Variants in MSI2 observed in about 807,000 individuals in gnomAD.
MSI2 encodes musashi RNA binding protein 2, also known as RNA-binding protein Musashi homolog 2.
Under a neutral mutation model 45.6 loss-of-function variants are expected in MSI2, and 17 were observed. That is an observed-to-expected ratio of 0.37 (90% CI 0.26 to 0.56). The LOEUF (loss-of-function observed/expected upper bound fraction) is 0.56, where lower values mean the gene tolerates loss of function less well. Ranked by LOEUF, MSI2 falls within the 20% of genes least tolerant of loss-of-function variation. The pLI is 0.77. For missense variants in MSI2, 293 were observed against 444.2 expected (o/e 0.66, Z 3.06); for synonymous variants, 156 against 158.2 (o/e 0.99, Z 0.11).
Position 57,558,638 on chromosome 17 carries a change from C to T in MSI2, c.454+28914C>T, listed in dbSNP as rs557616512. Among the ~76,000 whole-genome samples the T allele has an allele frequency of 1.7e-4, 26 of 152,318 alleles. 1 individual carries two copies. The South Asian group carries it at 5.4e-3, about 32-fold the overall frequency. ...GACCTCTCTTCAGCCCAGACCAGCC[C>T]TTCTGCCAGTTATAAAGCACCAGCC... is the stretch of plus-strand genomic sequence containing the variant. On this transcript the variant is annotated intron_variant, in intron 7 of 13. Transcript: ENST00000284073.
chr17:57,445,866 A>G, intron 6 of MSI2, among the ~76,000 whole-genome samples: 1 of 152,122 alleles, frequency 6.6e-6, no homozygotes, highest in Non-Finnish European at 1.5e-5. Context: ...ATGGAACGCT[A>G]TTCTAGGGGC....
At chr17:57,619,639 G>C (rs1322403200) in intron 9 of MSI2, among the ~76,000 whole-genome samples, 1 of 152,220 alleles carries the variant, frequency 6.6e-6, no homozygotes, top group African/African-American at 2.4e-5. Flanking sequence ...AGGGGCTCCA[G>C]GGTTGGCTTT....
chr17:57,595,874 G>T (rs1905205691), intron 7 of MSI2, among the ~76,000 whole-genome samples: 1 of 152,214 alleles, frequency 6.6e-6, no homozygotes, highest in African/African-American at 2.4e-5. Context: ...TTGAGGCTCA[G>T]AGAGGGCAAG....
chr17:57,274,643 T>A (rs941450409), intron 5 of MSI2, among the ~76,000 whole-genome samples: 4 of 152,180 alleles, frequency 2.6e-5, no homozygotes, highest in African/African-American at 9.7e-5. Flanking sequence ...AAGTAATGTT[T>A]GAGAAATACA....
chr17:57,309,465 C>T (rs1324996029), intron 5 of MSI2, among the ~76,000 whole-genome samples: 1 of 152,128 alleles, frequency 6.6e-6, no homozygotes, highest in African/African-American at 2.4e-5. Flanking sequence ...CTGTTGGCCA[C>T]TTGTTATATA....
chr17:57,586,345 A>T (rs1474879050), intron 7 of MSI2, among the ~76,000 whole-genome samples: 1 of 152,048 alleles, frequency 6.6e-6, no homozygotes, highest in Non-Finnish European at 1.5e-5. Context: ...GGATGGTTAG[A>T]GGTCTCTCTC....
chr17:57,369,539 A>G (rs951542756), intron 5 of MSI2, among the ~76,000 whole-genome samples: 31 of 152,346 alleles, frequency 2.0e-4, no homozygotes, highest in Admixed American at 6.5e-5. Flanking sequence ...GTTCCTAGAA[A>G]GTATTCCATG....
chr17:57,660,859 A>C (rs1911939602), intron 11 of MSI2, among the ~76,000 whole-genome samples: 1 of 152,232 alleles, frequency 6.6e-6, no homozygotes, highest in South Asian at 2.1e-4. Context: ...AGCTGGGCAG[A>C]ATCAGAGCAG....
rs1427154192 is a variant in MSI2 at position 57,596,225 on chromosome 17, G to A, written c.455-643G>A. ...TCAGTGCAGCTTGTCTAGCAAAGCCGGTCTCCAGCAGAGTACATACAGTGG... is the reference window on the plus strand; with the variant it reads ...TCAGTGCAGCTTGTCTAGCAAAGCCAGTCTCCAGCAGAGTACATACAGTGG... On this transcript the variant is annotated intron_variant, in intron 7 of 13. Coordinates refer to ENST00000284073, the MANE Select transcript of MSI2 (RefSeq NM_138962.4). This position sits in a 1 kb window ranked among gnomAD's most constrained non-coding sequence, Gnocchi z 4.6. Among the ~76,000 whole-genome samples the A allele has an allele frequency of 6.6e-6, 1 of 152,206 alleles. No homozygotes were observed. Among genetic ancestry groups the A allele is most frequent in the East Asian group, 1.9e-4 (1 of 5,204 alleles).
chr17:57,261,457 G>A (rs1357942237), intron 4 of MSI2, among the ~76,000 whole-genome samples: 1 of 151,962 alleles, frequency 6.6e-6, no homozygotes, highest in East Asian at 1.9e-4. Flanking sequence ...TAAAATCCAG[G>A]TGGATTTAGC....
At chr17:57,471,535 G>A (rs2908825) in intron 6 of MSI2, among the ~76,000 whole-genome samples, 117,901 of 151,906 alleles carry the variant, frequency 0.78, 46,198 homozygotes, top group East Asian at 0.91. Context: ...TACAAGCATC[G>A]TACTCACAGG....
chr17:57,338,444 A>G (rs1169191754), intron 5 of MSI2, among the ~76,000 whole-genome samples: 1 of 152,208 alleles, frequency 6.6e-6, no homozygotes, highest in Admixed American at 6.5e-5. Context: ...CTGGCGTGCA[A>G]TGGCACGATC....
chr17:57,641,967 TGG>T (rs1055463231), intron 10 of MSI2, among the ~76,000 whole-genome samples: 9 of 152,346 alleles, frequency 5.9e-5, no homozygotes, highest in Non-Finnish European at 1.3e-4. Context: ...CTTGTAGGGC[TGG>T]GGGCCAGCGT....
In MSI2 at chr17:57,680,948, A is replaced by G. The variant is rs1336471770; in HGVS notation, c.*1431A>G. 1.0e-5 allele frequency: 2 copies of G among 196,344 alleles called. No homozygotes were observed. Among genetic ancestry groups the G allele is most frequent in the African/African-American group, 4.6e-5 (2 of 43,196 alleles). 12.2% of individuals were successfully genotyped at this position (196,344 alleles called of 1,614,324 possible). On this transcript the variant is annotated 3_prime_UTR_variant, in exon 14 of 14. Coordinates refer to ENST00000284073, the MANE Select transcript of MSI2 (RefSeq NM_138962.4). Reference sequence around the variant, plus strand: ...GAGTGGATAAGCCTGCATTAATACAACCTTTCTCCATTCACTTTCTATTTA... The same window carrying G: ...GAGTGGATAAGCCTGCATTAATACAGCCTTTCTCCATTCACTTTCTATTTA...
At chr17:57,474,682 T>G (rs2085504226) in intron 6 of MSI2, among the ~76,000 whole-genome samples, 1 of 148,806 alleles carries the variant, frequency 6.7e-6, no homozygotes, top group Admixed American at 6.8e-5. Flanking sequence ...GAATATGACT[T>G]TGTGTACTGT....
chr17:57,566,447 G>A (rs1290044078), intron 7 of MSI2, among the ~76,000 whole-genome samples: 1 of 152,144 alleles, frequency 6.6e-6, no homozygotes, highest in Non-Finnish European at 1.5e-5. Flanking sequence ...TCAAAAGAAG[G>A]TCTCCAGATG....
chr17:57,519,068 G>A (rs1250223364), intron 6 of MSI2, among the ~76,000 whole-genome samples: 1 of 152,144 alleles, frequency 6.6e-6, no homozygotes. Context: ...CCAGAATGGA[G>A]CTCCCACCCA....
intron 8 of MSI2, among the ~76,000 whole-genome samples, chr17:57,608,768 C>T (rs1358348063): frequency 6.6e-6 from 1 of 152,228 alleles, no homozygotes; most frequent in African/African-American, 2.4e-5. Flanking sequence ...AGGAGTTGAA[C>T]TCTGATCAAG....
chr17:57,606,631 A>G (rs1906610333), intron 8 of MSI2, among the ~76,000 whole-genome samples: 1 of 152,122 alleles, frequency 6.6e-6, no homozygotes, highest in Non-Finnish European at 1.5e-5. Context: ...TCTCAGCCAC[A>G]TTCATTTCTG....
Sources: allele counts gnomAD v4.1 joint callset (sites outside exome capture counted in the v4.1 genomes callset), GRCh38; gene constraint gnomAD v4.1.1; non-coding constraint Gnocchi (gnomAD v3.1); transcripts MANE v1.5; gene names NCBI Gene and HGNC (gene_info 2026-07-23, HGNC 2026-07-21).